The following PCDH15 variants were observed in gnomAD, a reference collection of about 807,000 sequenced individuals.
The protein encoded by PCDH15 is protocadherin related 15.
A neutral mutation model predicts 178.5 loss-of-function variants in PCDH15; 129 were observed. That is an observed-to-expected ratio of 0.72 (90% confidence interval 0.63 to 0.84). The LOEUF is 0.84. Ranked by LOEUF, PCDH15 falls within the 40% of genes least tolerant of loss-of-function variation. The pLI is 0.00. For missense variants in PCDH15, 2,230 were observed against 2,099.9 expected, an observed-to-expected ratio of 1.06 and a Z score of -1.21; for synonymous variants, 800 against 732.0, an observed-to-expected ratio of 1.09 and a Z score of -1.50.
intron 11 of PCDH15, among the ~76,000 whole-genome samples, chr10:54,191,122 T>G (rs2048949510): frequency 6.6e-6 from 1 of 152,220 alleles, no homozygotes; most frequent in Non-Finnish European, 1.5e-5. Context: ...ACTGAATTTA[T>G]GAGTTTATTG....
chr10:55,165,967 C>A (rs908541367), intron 2 of PCDH15, among the ~76,000 whole-genome samples: 1 of 151,998 alleles, frequency 6.6e-6, no homozygotes, highest in Non-Finnish European at 1.5e-5. Context: ...AAATACAATT[C>A]TCCTAACTTT....
intron 30 of PCDH15, among the ~76,000 whole-genome samples, chr10:53,829,289 AAAG>A: frequency 6.6e-6 from 1 of 152,312 alleles, no homozygotes; most frequent in Non-Finnish European, 1.5e-5. Context: ...TTATCAAACT[AAAG>A]GAGAATTAAA....
intron 2 of PCDH15, among the ~76,000 whole-genome samples, chr10:54,980,537 T>C (rs868086838): frequency 1.3e-5 from 2 of 152,204 alleles, no homozygotes; most frequent in Middle Eastern, 6.8e-3. Context: ...CACATTTTTC[T>C]CAACCTATCT....
chr10:55,580,137 G>T (rs1263049336), intron 2 of PCDH15, among the ~76,000 whole-genome samples: 1 of 151,450 alleles, frequency 6.6e-6, no homozygotes, highest in Non-Finnish European at 1.5e-5. Flanking sequence ...GATTACAGGC[G>T]TGAGCCACTG....
At chr10:54,121,798 G>T (rs1195406427) in intron 15 of PCDH15, among the ~76,000 whole-genome samples, 1 of 152,008 alleles carries the variant, frequency 6.6e-6, no homozygotes, top group Non-Finnish European at 1.5e-5. Context: ...TTCAAAAAGT[G>T]AATCAGTAAT....
intron 2 of PCDH15, among the ~76,000 whole-genome samples, chr10:55,136,883 G>T (rs7916117): frequency 0.39 from 58,635 of 151,926 alleles, 12,116 homozygotes; most frequent in African/African-American, 0.53. Flanking sequence ...ATTCAGATAC[G>T]GACTTTTCCT....
chr10:54,069,865 G>A (rs750861445), intron 17 of PCDH15, among the ~76,000 whole-genome samples: 4 of 151,978 alleles, frequency 2.6e-5, no homozygotes, highest in African/African-American at 4.8e-5. Flanking sequence ...TAATTGTTAG[G>A]ACCATATGTC....
At chr10:54,515,569 CAAAA>C (rs2082128150) in intron 3 of PCDH15, among the ~76,000 whole-genome samples, 1 of 152,206 alleles carries the variant, frequency 6.6e-6, no homozygotes, top group Admixed American at 6.5e-5. Flanking sequence ...CACAGACAAA[CAAAA>C]AGACAGCAGT....
rs1274389729 is a variant in PCDH15, at chr10:53,810,649, T to C, written c.4578A>G (p.Gln1526=). Residue 1526 remains glutamine (Q), a synonymous_variant, in exon 37 of 38, where the codon CAA becomes CAG. Coordinates refer to ENST00000644397, the MANE Select transcript of PCDH15 (RefSeq NM_001384140.1). ...YSYEHGYEMP[Q]YGSRRRLLPP... is the part of the protein sequence containing the mutation. The stretch of plus-strand genomic sequence containing the variant: ...GTAACAATCGACGGCGACTCCCATA[T>C]TGAGGCATTTCATACCTGTAATATA... 5 of 1,613,616 alleles carry C rather than the reference T, an allele frequency of 3.1e-6. No individual in the cohort carries two copies. Among genetic ancestry groups the C allele is most frequent in the African/African-American group, 1.3e-5 (1 of 74,918 alleles).
chr10:54,927,647 G>A (rs1837666382), intron 2 of PCDH15, among the ~76,000 whole-genome samples: 1 of 152,112 alleles, frequency 6.6e-6, no homozygotes, highest in Non-Finnish European at 1.5e-5. Context: ...ATTTAGGATA[G>A]TTAGGTCTTC....
chr10:53,940,850 C>T lies in PCDH15; in HGVS notation c.3232+16G>A. 1 of 1,567,492 alleles carries T rather than the reference C, an allele frequency of 6.4e-7. No homozygotes were observed. The highest frequency in any genetic ancestry group is 1.4e-5 in the African/African-American group (1 of 73,972). On this transcript the variant is annotated intron_variant, in intron 24 of 37. Coordinates refer to ENST00000644397, the MANE Select transcript of PCDH15 (RefSeq NM_001384140.1). ...TACTGGTTGATGGTGAGAACACAAA[C>T]TAAAAGTCTACTCACCTTCTTCATT...
chr10:53,825,265 T>C, intron 32 of PCDH15: 1 of 1,153,290 alleles, frequency 8.7e-7, no homozygotes, highest in Non-Finnish European at 1.1e-6. Flanking sequence ...ACTTAGTACG[T>C]ATATCAAAAA....
intron 2 of PCDH15, among the ~76,000 whole-genome samples, chr10:54,997,044 G>A (rs1022020394): frequency 2.6e-5 from 4 of 151,116 alleles, no homozygotes; most frequent in Non-Finnish European, 4.4e-5. Context: ...TGGAGGTGGA[G>A]GTTGCAGTGA....
intron 1 of PCDH15, among the ~76,000 whole-genome samples, chr10:54,726,402 C>T (rs374693994): frequency 6.7e-6 from 1 of 148,444 alleles, no homozygotes; most frequent in East Asian, 2.0e-4. Flanking sequence ...ATCTTTAGCA[C>T]ATTTCTACCC....
chr10:54,398,616 C>T (rs1951541675), intron 3 of PCDH15, among the ~76,000 whole-genome samples: 1 of 151,906 alleles, frequency 6.6e-6, no homozygotes, highest in South Asian at 2.1e-4. Context: ...AAATTTAACC[C>T]TTCAAAAATG....
At chr10:54,006,771 C>T (rs1426449613) in intron 20 of PCDH15, among the ~76,000 whole-genome samples, 1 of 152,190 alleles carries the variant, frequency 6.6e-6, no homozygotes, top group Non-Finnish European at 1.5e-5. Context: ...AGGTGGAAAT[C>T]TTAGCTTCAT....
At chr10:54,895,917 C>T (rs1160919476) in intron 3 of PCDH15, among the ~76,000 whole-genome samples, 1 of 151,596 alleles carries the variant, frequency 6.6e-6, no homozygotes, top group Non-Finnish European at 1.5e-5. Flanking sequence ...GATGGAGTCT[C>T]ACTCTGTTGC....
intron 3 of PCDH15, among the ~76,000 whole-genome samples, chr10:54,893,857 T>C (rs541572829): frequency 7.9e-5 from 12 of 152,224 alleles, no homozygotes; most frequent in Admixed American, 7.9e-4. Context: ...AATGTGACTA[T>C]AGGGAGAAGA....
intron 1 of PCDH15, among the ~76,000 whole-genome samples, chr10:55,187,361 A>G (rs1028482190): frequency 3.3e-5 from 5 of 152,024 alleles, no homozygotes; most frequent in African/African-American, 1.2e-4. Flanking sequence ...TATTTCAGGT[A>G]GCATACATGA....
Sources: allele counts gnomAD v4.1 joint callset (sites outside exome capture counted in the v4.1 genomes callset), GRCh38; gene constraint gnomAD v4.1.1; transcripts MANE v1.5; gene names NCBI Gene and HGNC (gene_info 2026-07-23, HGNC 2026-07-21).